Variants in NECAB1 observed in about 807,000 individuals in gnomAD.
The protein encoded by NECAB1 is N-terminal EF-hand calcium-binding protein 1.
A neutral mutation model predicts 57.5 loss-of-function variants in NECAB1; 29 were observed. That is an observed-to-expected ratio of 0.50 (90% CI 0.38 to 0.69). NECAB1 has a LOEUF of 0.69. NECAB1 is among the 30% of genes least tolerant of loss of function. NECAB1 has a pLI of 0.00. For missense variants in NECAB1, 372 were observed against 413.8 expected, an observed-to-expected ratio of 0.90 and a Z score of 0.88; for synonymous variants, 142 against 147.7, an observed-to-expected ratio of 0.96 and a Z score of 0.28.
intron 1 of NECAB1, 110 bp from the exon 2 acceptor site, chr8:90,801,581 T>G: frequency 1.3e-6 from 1 of 746,902 alleles, no homozygotes; most frequent in Non-Finnish European, 2.2e-6. Flanking sequence ...AACGCTTACT[T>G]AAAATTAGAA....
intron 5 of NECAB1, among the ~76,000 whole-genome samples, chr8:90,897,648 C>T (rs1275264627): frequency 6.6e-6 from 1 of 152,200 alleles, no homozygotes; most frequent in Admixed American, 6.5e-5. Context: ...AAACAAAAAA[C>T]TATCAATTCT....
At chr8:90,839,907 C>T (rs1812428742) in intron 3 of NECAB1, among the ~76,000 whole-genome samples, 1 of 152,084 alleles carries the variant, frequency 6.6e-6, no homozygotes, top group South Asian at 2.1e-4. Flanking sequence ...TAGATCTCCC[C>T]AAGGCAAAGA....
chr8:90,831,575 T>C (rs1812299448), intron 3 of NECAB1, among the ~76,000 whole-genome samples: 1 of 152,114 alleles, frequency 6.6e-6, no homozygotes, highest in African/African-American at 2.4e-5. Context: ...AATTCTGTTG[T>C]CAGACTTCCT....
At chr8:90,853,191 A>G (rs1414335313) in intron 3 of NECAB1, among the ~76,000 whole-genome samples, 2 of 152,224 alleles carry the variant, frequency 1.3e-5, no homozygotes, top group East Asian at 3.8e-4. Context: ...GGTGGAGTGC[A>G]GCGGGTCTGA....
intron 3 of NECAB1, among the ~76,000 whole-genome samples, chr8:90,830,230 A>G (rs1343296796): frequency 6.6e-6 from 1 of 152,080 alleles, no homozygotes; most frequent in Non-Finnish European, 1.5e-5. Flanking sequence ...TGCAATTCCA[A>G]TAGTGGACAA....
chr8:90,885,506 T>C (rs1433035292), intron 5 of NECAB1, among the ~76,000 whole-genome samples: 3 of 152,220 alleles, frequency 2.0e-5, no homozygotes, highest in African/African-American at 7.2e-5. Flanking sequence ...AGCATTCATA[T>C]AGCACCTTGG....
At position 90,886,033 on chromosome 8, in the gene NECAB1, A is replaced by C. The variant is rs1054023729; in HGVS notation, c.357+4903A>C. On this transcript the variant is annotated intron_variant, in intron 5 of 12. Transcript: ENST00000417640. ...TCCTGAAATCAAAAGATGAAGGTGC[A>C]TAAGCAAAGTTCTAGGCAAGGAAGT... is the stretch of plus-strand genomic sequence containing the variant. Among the ~76,000 whole-genome samples the C allele has an allele frequency of 1.4e-4, 21 of 152,360 alleles. 1 individual carries two copies. In the South Asian group the frequency reaches 2.1e-3, roughly 15 times the overall value.
At chr8:90,912,687 A>G (rs921696672) in intron 5 of NECAB1, among the ~76,000 whole-genome samples, 2 of 152,006 alleles carry the variant, frequency 1.3e-5, no homozygotes, top group Non-Finnish European at 2.9e-5. Context: ...TTATTTTTGT[A>G]TTTTTATAAG....
chr8:90,923,515 G>A (rs1430409458), intron 6 of NECAB1, among the ~76,000 whole-genome samples: 1 of 152,232 alleles, frequency 6.6e-6, no homozygotes, highest in African/African-American at 2.4e-5. Context: ...AAGACTGCAA[G>A]TTGGCAATCC....
intron 9 of NECAB1, among the ~76,000 whole-genome samples, chr8:90,939,845 A>G (rs1810626455): frequency 6.6e-6 from 1 of 152,246 alleles, no homozygotes; most frequent in Admixed American, 6.5e-5. Flanking sequence ...TTGGAATAGA[A>G]AACAGTAGAC....
chr8:90,828,029 A>C (rs1812250605), intron 3 of NECAB1, among the ~76,000 whole-genome samples: 1 of 151,818 alleles, frequency 6.6e-6, no homozygotes, highest in Non-Finnish European at 1.5e-5. Context: ...ATCTAACTCT[A>C]CTGGTTTTTC....
At chr8:90,794,773 G>A (rs1811633590) in intron 1 of NECAB1, among the ~76,000 whole-genome samples, 1 of 152,146 alleles carries the variant, frequency 6.6e-6, no homozygotes, top group African/African-American at 2.4e-5. Flanking sequence ...GAAGTATTAT[G>A]GTTATTTCAG....
intron 8 of NECAB1, among the ~76,000 whole-genome samples, chr8:90,930,681 A>T (rs568958050): frequency 1.3e-5 from 2 of 152,194 alleles, no homozygotes; most frequent in Non-Finnish European, 2.9e-5. Flanking sequence ...ATTTATATTG[A>T]ACACTTACTG....
At chr8:90,940,516 C>T (rs1006812123) in intron 9 of NECAB1, 3 of 345,932 alleles carry the variant, frequency 8.7e-6, no homozygotes, top group Non-Finnish European at 1.1e-5. Flanking sequence ...TAAAACTTCT[C>T]GAGTCATTGA....
chr8:90,951,435 G>A (rs187246725), intron 12 of NECAB1, among the ~76,000 whole-genome samples: 10 of 152,044 alleles, frequency 6.6e-5, no homozygotes, highest in Admixed American at 4.6e-4. Flanking sequence ...TGAACCATTA[G>A]TCATTTGCTA....
intron 3 of NECAB1, among the ~76,000 whole-genome samples, chr8:90,865,092 G>C (rs1808489015): frequency 6.6e-6 from 1 of 152,054 alleles, no homozygotes; most frequent in African/African-American, 2.4e-5. Flanking sequence ...ATGGAAGAAG[G>C]GCGGAGCAGA....
chr8:90,909,108 G>C (rs1318725126), intron 5 of NECAB1, among the ~76,000 whole-genome samples: 1 of 152,104 alleles, frequency 6.6e-6, no homozygotes, highest in Non-Finnish European at 1.5e-5. Flanking sequence ...GCTAAATCCA[G>C]AGGCTAATTT....
At chr8:90,907,800 T>A (rs1475202548) in intron 5 of NECAB1, among the ~76,000 whole-genome samples, 1 of 152,232 alleles carries the variant, frequency 6.6e-6, no homozygotes, top group African/African-American at 2.4e-5. Context: ...AGTTATCTAT[T>A]CCCAAAGGTT....
chr8:90,816,426 G>A (rs925405758), intron 2 of NECAB1, among the ~76,000 whole-genome samples: 2 of 151,486 alleles, frequency 1.3e-5, no homozygotes, highest in Admixed American at 6.6e-5. Flanking sequence ...TTCAAATCAC[G>A]GTCACTTAGA....
Sources: allele counts gnomAD v4.1 joint callset (sites outside exome capture counted in the v4.1 genomes callset), GRCh38; gene constraint gnomAD v4.1.1; transcripts MANE v1.5; gene names NCBI Gene and HGNC (gene_info 2026-07-23, HGNC 2026-07-21).